The following SORBS2 variants were observed in gnomAD, a reference collection of about 807,000 sequenced individuals.
SORBS2 encodes the protein sorbin and SH3 domain-containing protein 2.
Under a neutral mutation model 97.7 loss-of-function variants are expected in SORBS2, and 46 were observed. That is an observed-to-expected ratio of 0.47 (90% confidence interval 0.37 to 0.60). The LOEUF is 0.60. Ranked by LOEUF, SORBS2 falls within the 20% of genes least tolerant of loss-of-function variation. The probability of loss-of-function intolerance (pLI) is 0.00; values close to 1 mark genes in which losing one functional copy is unlikely to be tolerated. For missense variants in SORBS2, 1,316 were observed against 1,282.3 expected (o/e 1.03, Z -0.40); for synonymous variants, 476 against 473.4 (o/e 1.01, Z -0.07).
chr4:185,767,149 A>G (rs2098938537), intron 2 of SORBS2, among the ~76,000 whole-genome samples: 1 of 152,140 alleles, frequency 6.6e-6, no homozygotes, highest in African/African-American at 2.4e-5. Flanking sequence ...GCCAAAACTT[A>G]GGATTTGAAA....
chr4:185,587,801 T>C, intron 14 of SORBS2, 113 bp from the exon 27 acceptor site: 1 of 822,088 alleles, frequency 1.2e-6, no homozygotes, highest in Admixed American at 2.1e-5. Flanking sequence ...CCCGAGGGGT[T>C]TGGAAAAGAA....
chr4:185,707,969 T>C (rs2098370774), intron 2 of SORBS2, among the ~76,000 whole-genome samples: 1 of 152,202 alleles, frequency 6.6e-6, no homozygotes. Context: ...AGTATTTCTC[T>C]GTGTTTCTCA....
At chr4:185,614,935 G>C in exon 11 of SORBS2, 2 of 1,614,154 alleles carry the variant, frequency 1.2e-6, no homozygotes. Context: ...CTTGCAGGCT[G>C]TGCTTTCTCA....
intron 4 of SORBS2, among the ~76,000 whole-genome samples, chr4:185,643,619 G>T (rs1050262509): frequency 6.6e-6 from 1 of 152,148 alleles, no homozygotes; most frequent in Non-Finnish European, 1.5e-5. Context: ...GAGAGGAGCA[G>T]CAGTGGCACT....
At chr4:185,601,033 T>A (rs1363084967) in intron 12 of SORBS2, among the ~76,000 whole-genome samples, 1 of 152,208 alleles carries the variant, frequency 6.6e-6, no homozygotes, top group Non-Finnish European at 1.5e-5. Context: ...TGGTATTTGA[T>A]CTGGCTTAAG....
intron 7 of SORBS2, among the ~76,000 whole-genome samples, chr4:185,621,779 A>G (rs1288457301): frequency 6.6e-6 from 1 of 152,146 alleles, no homozygotes; most frequent in Admixed American, 6.5e-5. Flanking sequence ...TTATACTATA[A>G]ATTCTGAATT....
chr4:185,641,607 C>T lies in SORBS2; in HGVS notation c.396+5061G>A, dbSNP rs145075002. Among the ~76,000 whole-genome samples the T allele has an allele frequency of 4.4e-3, 665 of 152,146 alleles. 1 individual carries two copies. The highest frequency in any genetic ancestry group is 0.01 in the Middle Eastern group (3 of 294). The stretch of plus-strand genomic sequence containing the variant: ...CTTTCCATGTGGAACATGGACATTC[C>T]TTTGAGTACAGCACTAATATTAACA... On this transcript the variant is annotated intron_variant, in intron 4 of 14. Coordinates refer to ENST00000418609, the Ensembl canonical transcript of SORBS2.
intron 8 of SORBS2, among the ~76,000 whole-genome samples, chr4:185,619,217 G>C (rs2096673570): frequency 6.6e-6 from 1 of 152,168 alleles, no homozygotes; most frequent in Non-Finnish European, 1.5e-5. Context: ...TTTTAGTTGT[G>C]ATGTGATGTG....
intron 1 of SORBS2, among the ~76,000 whole-genome samples, chr4:185,821,454 C>T (rs1035903561): frequency 1.3e-5 from 2 of 152,130 alleles, no homozygotes; most frequent in African/African-American, 4.8e-5. Context: ...GATGGAGTCT[C>T]GCTCTGTCTC....
At chr4:185,919,497 T>C (rs1191334120) in intron 1 of SORBS2, 1 of 152,230 alleles carries the variant, frequency 6.6e-6, no homozygotes, top group African/African-American at 2.4e-5. Context: ...GAGAATAATA[T>C]TATCTCTTCC....
chr4:185,639,890 G>C (rs996985817), intron 4 of SORBS2, among the ~76,000 whole-genome samples: 2 of 152,118 alleles, frequency 1.3e-5, no homozygotes, highest in East Asian at 3.8e-4. Flanking sequence ...CATCTTGGTT[G>C]TGAAAAAAAT....
Position 185,667,651 on chromosome 4 carries a change from T to TG in SORBS2, c.-45-5410_-45-5409insC, listed in dbSNP as rs1208809278. ...CTTGTCCTAATCTTACTTAATATGA[T>TG]TTTTTTTCTTGTTTAAACATAGTCA... On this transcript the variant is annotated intron_variant, in intron 4 of 20. Transcript: ENST00000284776. Among the ~76,000 whole-genome samples, 423 of 145,574 alleles carry TG rather than the reference T, an allele frequency of 2.9e-3. 2 individuals carry two copies. Among genetic ancestry groups the TG allele is most frequent in the Non-Finnish European group, 5.0e-3 (336 of 66,720 alleles).
intron 2 of SORBS2, among the ~76,000 whole-genome samples, chr4:185,699,478 G>A (rs1017332808): frequency 6.6e-6 from 1 of 151,874 alleles, no homozygotes; most frequent in African/African-American, 2.4e-5. Flanking sequence ...GTAGAAATGG[G>A]GTTTCACCAT....
chr4:185,661,989 T>C, intron 5 of SORBS2, 115 bp downstream of exon 8: 1 of 1,126,826 alleles, frequency 8.9e-7, no homozygotes, highest in South Asian at 1.6e-5. Context: ...TCCCTGGGGA[T>C]AGGGTCATGA....
chr4:185,705,223 T>G (rs900283130), intron 2 of SORBS2, among the ~76,000 whole-genome samples: 1 of 152,212 alleles, frequency 6.6e-6, no homozygotes, highest in Non-Finnish European at 1.5e-5. Context: ...TAATATCACT[T>G]TTGTCCAGAT....
At chr4:185,692,627 T>G (rs1260774538) in intron 2 of SORBS2, among the ~76,000 whole-genome samples, 1 of 152,130 alleles carries the variant, frequency 6.6e-6, no homozygotes, top group African/African-American at 2.4e-5. Flanking sequence ...AAAATCAAAA[T>G]GTGAATATTA....
At chr4:185,824,854 A>T (rs537499048) in intron 1 of SORBS2, among the ~76,000 whole-genome samples, 1 of 152,300 alleles carries the variant, frequency 6.6e-6, no homozygotes, top group South Asian at 2.1e-4. Context: ...CTTCCAGGGT[A>T]ACATCTCCCA....
At chr4:185,670,759 T>C (rs536993952) in intron 4 of SORBS2, among the ~76,000 whole-genome samples, 11 of 152,240 alleles carry the variant, frequency 7.2e-5, no homozygotes, top group African/African-American at 2.2e-4. Flanking sequence ...CCTCTTTTCA[T>C]GGCCTGTCCT....
chr4:185,915,899 T>A (rs544117878), intron 1 of SORBS2, among the ~76,000 whole-genome samples: 25 of 152,116 alleles, frequency 1.6e-4, no homozygotes, highest in Non-Finnish European at 3.2e-4. Flanking sequence ...GTAGGTGAAG[T>A]AATATTTGAC....
Sources: gnomAD v4.1 joint callset for allele counts (sites outside exome capture counted in the v4.1 genomes callset) on GRCh38, gnomAD v4.1.1 for gene constraint, MANE v1.5 for transcripts, NCBI Gene and HGNC (gene_info 2026-07-23, HGNC 2026-07-21) for gene names.